Variants in MORC3 observed in about 807,000 individuals in gnomAD.
The protein encoded by MORC3 is MORC family CW-type zinc finger protein 3.
MORC3 carries 31 observed loss-of-function variants against 109.1 expected under a neutral mutation model. That is an observed-to-expected ratio of 0.28 (90% CI 0.21 to 0.38). The LOEUF (loss-of-function observed/expected upper bound fraction) is 0.38, where lower values mean the gene tolerates loss of function less well. Among genes scored for constraint, MORC3 ranks in the 10% least tolerant of loss-of-function variants. The pLI is 1.00. For synonymous variants in MORC3, 395 were observed against 380.7 expected, an observed-to-expected ratio of 1.04 and a Z score of -0.44; for missense variants, 867 against 1,135.8, an observed-to-expected ratio of 0.76 and a Z score of 3.40.
Position 36,336,942 on chromosome 21 carries a change from A to G in MORC3, c.181A>G (p.Ile61Val), listed in dbSNP as rs761727278. ...WIDKTVINDH[I>V]CLTFTDNGNG... ...TGACAAAACAGTGATAAATGACCAT[A>G]TATGCTTGACATTCACCGACAATGG... The change falls in exon 3 of 17, where the codon ATA becomes GTA. Residue 61 changes from isoleucine to valine, a missense_variant. Physicochemically the swap from Ile to Val is conservative, Grantham distance 29. Around this residue, in one of 7 missense-constraint regions of MORC3, gnomAD observed 53 missense variants for 130.3 expected, o/e 0.41. Coordinates refer to ENST00000400485, the MANE Select transcript of MORC3 (RefSeq NM_015358.3). The G allele has an allele frequency of 6.2e-7, 1 of 1,613,370 alleles. No individual in the cohort carries two copies. Among genetic ancestry groups the G allele is most frequent in the Non-Finnish European group, 8.5e-7 (1 of 1,179,516 alleles).
At chr21:36,332,890 C>G (rs1214171320) in intron 1 of MORC3, among the ~76,000 whole-genome samples, 1 of 151,272 alleles carries the variant, frequency 6.6e-6, no homozygotes, top group Admixed American at 6.6e-5. Flanking sequence ...TAGGTTCATG[C>G]CATTCTCCTG....
chr21:36,330,431 C>T (rs2146290929), intron 1 of MORC3, among the ~76,000 whole-genome samples: 1 of 152,248 alleles, frequency 6.6e-6, no homozygotes, highest in East Asian at 1.9e-4. Context: ...TACCTATAGC[C>T]TGGAAGTCCC....
intron 8 of MORC3, among the ~76,000 whole-genome samples, chr21:36,349,094 CT>C (rs945961247): frequency 1.3e-5 from 2 of 151,942 alleles, no homozygotes; most frequent in Non-Finnish European, 2.9e-5. Flanking sequence ...TCTCTTGGTT[CT>C]TGCAGTGAGC....
chr21:36,322,542 T>C (rs2085205182), intron 1 of MORC3, among the ~76,000 whole-genome samples: 1 of 152,062 alleles, frequency 6.6e-6, no homozygotes, highest in Admixed American at 6.6e-5. Flanking sequence ...CGGCTAATTT[T>C]GGTATTTTTA....
chr21:36,331,759 G>A (rs909181056), intron 1 of MORC3, among the ~76,000 whole-genome samples: 14 of 152,148 alleles, frequency 9.2e-5, no homozygotes, highest in African/African-American at 3.4e-4. Context: ...AAAGCCTTGG[G>A]AATTAAGATG....
chr21:36,338,895 G>A lies in MORC3; in HGVS notation c.582G>A (p.Thr194=), dbSNP rs1799315479. 4.3e-6 allele frequency: 7 copies of A among 1,614,032 alleles called. No individual in the cohort carries two copies. Among genetic ancestry groups the A allele is most frequent in the African/African-American group, 1.3e-5 (1 of 75,014 alleles). Reference sequence around the variant, plus strand: ...ATGCTATTATAGGCAAGAAGGGGACGAGGATCATCATTTGGAATCTTAGAA... The same window carrying A: ...ATGCTATTATAGGCAAGAAGGGGACAAGGATCATCATTTGGAATCTTAGAA... ...ELDAIIGKKG[T]RIIIWNLRSY... is the part of the protein sequence containing the mutation. Residue 194 remains threonine (T), a synonymous_variant, in exon 5 of 17, where the codon ACG becomes ACA. Coordinates refer to ENST00000400485, the MANE Select transcript of MORC3 (RefSeq NM_015358.3).
Position 36,372,468 on chromosome 21 carries a change from C to T in MORC3, c.2603C>T (p.Thr868Met), listed in dbSNP as rs370644599. The change falls in exon 16 of 17, where the codon ACG becomes ATG. Residue 868 changes from threonine (T) to methionine (M), a missense_variant. By Grantham distance (81) the Thr-to-Met change is moderately conservative (BLOSUM62 -1). Around this residue, in one of 7 missense-constraint regions of MORC3, gnomAD observed 486 missense variants for 502.1 expected, o/e 0.97. Transcript: ENST00000400485. Reference sequence around the variant, plus strand: ...CAGTTAAAATCTACAAATCAACAGACGGCAACAGATGTTTCAACATCAAGT... The same window carrying T: ...CAGTTAAAATCTACAAATCAACAGATGGCAACAGATGTTTCAACATCAAGT... ...VEQLKSTNQQ[T>M]ATDVSTSSNI... 3.2e-5 allele frequency: 52 copies of T among 1,609,034 alleles called. No individual in the cohort carries two copies. The highest frequency in any genetic ancestry group is 1.0e-4 in the South Asian group (9 of 89,948).
intron 12 of MORC3, 97 bp downstream of exon 12, chr21:36,360,355 C>G: frequency 8.0e-7 from 1 of 1,242,394 alleles, no homozygotes; most frequent in Non-Finnish European, 1.1e-6. Flanking sequence ...GGTAAAGCAC[C>G]TGTAACTGAA....
intron 5 of MORC3, 33 bp from the exon 6 acceptor site, chr21:36,341,364 TAA>T (rs751088089): frequency 1.3e-6 from 2 of 1,578,532 alleles, no homozygotes; most frequent in Non-Finnish European, 1.7e-6. Context: ...GCTGTGAAGT[TAA>T]ATTTTGGTTC....
rs546000272 is a variant in MORC3 at position 36,326,820 on chromosome 21, T to C, written c.39+6517T>C. Reference sequence around the variant, plus strand: ...AAGACAACATTATAAATTTAAAGATTTTTTTTTTTTTTTGAGACCGAGTCT... The same window carrying C: ...AAGACAACATTATAAATTTAAAGATCTTTTTTTTTTTTTGAGACCGAGTCT... On this transcript the variant is annotated intron_variant, in intron 1 of 16. Transcript: ENST00000400485. Among the ~76,000 whole-genome samples, 78 of 141,400 alleles carry C rather than the reference T, an allele frequency of 5.5e-4. 1 individual carries two copies. Among genetic ancestry groups the C allele is most frequent in the African/African-American group, 1.9e-3 (75 of 39,570 alleles). The allele number at this position is 141,400 out of a possible 152,430, so 92.8% of individuals were successfully genotyped here. A position where few individuals can be genotyped will look rare whatever the true frequency, so the allele number is the denominator to read the frequency against.
At chr21:36,372,818 T>G (rs898533141) in intron 16 of MORC3, among the ~76,000 whole-genome samples, 1 of 152,122 alleles carries the variant, frequency 6.6e-6, no homozygotes, top group African/African-American at 2.4e-5. Flanking sequence ...AAAATAAAAA[T>G]GGACAAGATA....
At chr21:36,361,544 A>C (rs1369496896) in intron 12 of MORC3, 1 of 38,550 alleles carries the variant, frequency 2.6e-5, no homozygotes, top group African/African-American at 6.9e-5. Flanking sequence ...CTGTCTCAAA[A>C]AAAAAAAAAA....
chr21:36,350,032 C>T (rs532774380), intron 9 of MORC3, among the ~76,000 whole-genome samples: 3 of 152,292 alleles, frequency 2.0e-5, no homozygotes, highest in African/African-American at 7.2e-5. Flanking sequence ...CAGCCAGGTG[C>T]AGTGGCTCTT....
At chr21:36,339,140 A>G in intron 5 of MORC3, 1 of 378,980 alleles carries the variant, frequency 2.6e-6, no homozygotes, top group East Asian at 4.7e-5. Flanking sequence ...TTTTTTTGAG[A>G]CGAAGTCTCA....
At chr21:36,362,834 C>T (rs1184805833) in intron 13 of MORC3, among the ~76,000 whole-genome samples, 1 of 151,960 alleles carries the variant, frequency 6.6e-6, no homozygotes, top group East Asian at 1.9e-4. Context: ...CTTCCTAATC[C>T]AACATCATTC....
chr21:36,332,134 A>G (rs927314392), intron 1 of MORC3, among the ~76,000 whole-genome samples: 3 of 151,582 alleles, frequency 2.0e-5, no homozygotes, highest in Non-Finnish European at 4.4e-5. Flanking sequence ...GAGAGAGACT[A>G]TCTCTGAAAA....
At position 36,339,074 on chromosome 21, in the gene MORC3, T is replaced by TTA. The variant is rs1397829953; in HGVS notation, c.608+156_608+157dup. On this transcript the variant is annotated intron_variant, in intron 5 of 16. Coordinates refer to ENST00000400485, the MANE Select transcript of MORC3 (RefSeq NM_015358.3). ...CTGATTTGTCTTTGCCCAGGATATGTTATAGAGGCCATTTCAGCTTCAATT... is the reference window on the plus strand; with the variant it reads ...CTGATTTGTCTTTGCCCAGGATATGTTATATAGAGGCCATTTCAGCTTCAATT... The TTA allele has an allele frequency of 3.3e-5, 28 of 851,788 alleles. No individual in the cohort carries two copies. In the Admixed American group the frequency reaches 8.0e-4, roughly 24 times the overall value. The allele number at this position is 851,788 out of a possible 1,614,324, so 52.8% of individuals were successfully genotyped here. A position where few individuals can be genotyped will look rare whatever the true frequency, so the allele number is the denominator to read the frequency against.
chr21:36,363,493 C>T (rs2085743557), intron 13 of MORC3, among the ~76,000 whole-genome samples: 1 of 152,166 alleles, frequency 6.6e-6, no homozygotes, highest in Admixed American at 6.5e-5. Flanking sequence ...ATAGCTTCGC[C>T]TAGCCTACCT....
At chr21:36,326,482 G>A (rs963860274) in intron 1 of MORC3, among the ~76,000 whole-genome samples, 27 of 152,190 alleles carry the variant, frequency 1.8e-4, no homozygotes, top group Non-Finnish European at 1.8e-4. Context: ...CCACACCACC[G>A]CACTCCAGCC....
Sources: allele counts gnomAD v4.1 joint callset (sites outside exome capture counted in the v4.1 genomes callset), GRCh38; gene constraint gnomAD v4.1.1; regional missense constraint gnomAD v4.1.1; transcripts MANE v1.5; gene names NCBI Gene and HGNC (gene_info 2026-07-23, HGNC 2026-07-21).